KIF6: variants seen among roughly 807,000 people sequenced by gnomAD.
KIF6 encodes the protein kinesin-like protein KIF6.
KIF6 carries 106 observed loss-of-function variants against 112.7 expected under a neutral mutation model. That is an observed-to-expected ratio of 0.94 (90% CI 0.80 to 1.11). KIF6 has a LOEUF of 1.11. Among genes scored for constraint, KIF6 ranks in the 50% least tolerant of loss-of-function variants. The probability of loss-of-function intolerance (pLI) is 0.00; values close to 1 mark genes in which losing one functional copy is unlikely to be tolerated. For synonymous variants in KIF6, 339 were observed against 339.9 expected (o/e 1.00, Z 0.03); for missense variants, 929 against 964.0 (o/e 0.96, Z 0.48).
chr6:39,537,417 C>T (rs1235244412), intron 13 of KIF6, among the ~76,000 whole-genome samples: 1 of 151,810 alleles, frequency 6.6e-6, no homozygotes, highest in Non-Finnish European at 1.5e-5. Flanking sequence ...TCCTATACAC[C>T]AACAACAGAC....
chr6:39,648,089 T>C (rs1785268283), intron 3 of KIF6, among the ~76,000 whole-genome samples: 1 of 150,076 alleles, frequency 6.7e-6, no homozygotes, highest in South Asian at 2.1e-4. Context: ...AGTGGCATGA[T>C]CTTGGCTCAC....
intron 5 of KIF6, among the ~76,000 whole-genome samples, chr6:39,615,891 C>CTAAG (rs988396990): frequency 6.6e-6 from 1 of 152,096 alleles, no homozygotes; most frequent in Non-Finnish European, 1.5e-5. Context: ...GGTGAGTATA[C>CTAAG]TAAGCCACAC....
At chr6:39,603,791 A>T (rs1782716838) in intron 6 of KIF6, among the ~76,000 whole-genome samples, 1 of 152,118 alleles carries the variant, frequency 6.6e-6, no homozygotes, top group South Asian at 2.1e-4. Context: ...TGATTCAAAT[A>T]ACCTCTGTAT....
intron 5 of KIF6, among the ~76,000 whole-genome samples, chr6:39,628,506 G>A (rs1247018074): frequency 6.6e-6 from 1 of 151,940 alleles, no homozygotes; most frequent in Non-Finnish European, 1.5e-5. Flanking sequence ...TGTTGACCTT[G>A]TCCAACCATT....
At chr6:39,413,784 T>C (rs972771723) in intron 15 of KIF6, among the ~76,000 whole-genome samples, 6 of 152,236 alleles carry the variant, frequency 3.9e-5, no homozygotes, top group South Asian at 2.1e-4. Flanking sequence ...CCCACTTACC[T>C]GAGACAACAC....
At chr6:39,520,121 G>A (rs538336241) in intron 13 of KIF6, among the ~76,000 whole-genome samples, 57 of 152,184 alleles carry the variant, frequency 3.7e-4, no homozygotes, top group Non-Finnish European at 7.1e-4. Flanking sequence ...TTCCTCTTCC[G>A]GAGCAGTTTC....
At chr6:39,368,303 T>C (rs1420159186) in intron 16 of KIF6, among the ~76,000 whole-genome samples, 1 of 152,176 alleles carries the variant, frequency 6.6e-6, no homozygotes, top group African/African-American at 2.4e-5. Context: ...ATGTATTGTC[T>C]TGTATAATCT....
chr6:39,583,187 T>C (rs963854874), intron 9 of KIF6: 15 of 274,110 alleles, frequency 5.5e-5, no homozygotes, highest in African/African-American at 3.3e-4. Context: ...ATGTCTAATA[T>C]GTTTATTTTC....
chr6:39,666,357 T>G (rs949740564), intron 3 of KIF6, among the ~76,000 whole-genome samples: 1 of 152,190 alleles, frequency 6.6e-6, no homozygotes, highest in Non-Finnish European at 1.5e-5. Context: ...AACAAGCATA[T>G]CAGTTCTAGA....
intron 3 of KIF6, among the ~76,000 whole-genome samples, chr6:39,675,609 C>T (rs1439478421): frequency 1.3e-4 from 4 of 31,804 alleles, no homozygotes; most frequent in Non-Finnish European, 3.1e-4. Flanking sequence ...CCCACAAGAA[C>T]ACAATTCCAC....
At chr6:39,592,063 G>T (rs1781983378) in intron 7 of KIF6, among the ~76,000 whole-genome samples, 1 of 152,178 alleles carries the variant, frequency 6.6e-6, no homozygotes, top group African/African-American at 2.4e-5. Flanking sequence ...AGTGAGCTGA[G>T]ATCATGCCAC....
chr6:39,565,836 G>C (rs563918765), intron 10 of KIF6, among the ~76,000 whole-genome samples: 96 of 152,312 alleles, frequency 6.3e-4, no homozygotes, highest in East Asian at 4.4e-3. Context: ...TCAGAAAATG[G>C]AAAACAGGAG....
chr6:39,456,276 C>A (rs1773097756), intron 13 of KIF6, among the ~76,000 whole-genome samples: 1 of 106,756 alleles, frequency 9.4e-6, no homozygotes, highest in African/African-American at 3.7e-5. Flanking sequence ...AACAAAGCTT[C>A]ATAAGTGAAG....
intron 13 of KIF6, among the ~76,000 whole-genome samples, chr6:39,535,703 C>A (rs1288586453): frequency 6.6e-6 from 1 of 152,164 alleles, no homozygotes; most frequent in African/African-American, 2.4e-5. Context: ...CAGCTCTGCA[C>A]CAAGTGGACC....
chr6:39,553,707 G>A (rs1779524584), intron 10 of KIF6: 1 of 152,116 alleles, frequency 6.6e-6, no homozygotes, highest in Admixed American at 6.5e-5. Flanking sequence ...TTACTTAAAG[G>A]TATATATGTC....
intron 7 of KIF6, among the ~76,000 whole-genome samples, chr6:39,591,620 T>C (rs551412676): frequency 9.1e-4 from 139 of 152,296 alleles, no homozygotes; most frequent in African/African-American, 3.2e-3. Flanking sequence ...GAAGGTACCT[T>C]ATCAGCTCTC....
chr6:39,380,237 T>A (rs959536205), intron 16 of KIF6, among the ~76,000 whole-genome samples: 2 of 152,104 alleles, frequency 1.3e-5, no homozygotes, highest in Non-Finnish European at 2.9e-5. Flanking sequence ...TGTGTGGGAG[T>A]CAGCCCTCCT....
At chr6:39,631,825 T>G (rs1436864737) in intron 5 of KIF6, among the ~76,000 whole-genome samples, 2 of 152,114 alleles carry the variant, frequency 1.3e-5, no homozygotes, top group Non-Finnish European at 2.9e-5. Flanking sequence ...TGAAAGAGAT[T>G]ATGTAAAATT....
At chr6:39,389,604 G>A (rs1767704635) in intron 15 of KIF6, among the ~76,000 whole-genome samples, 1 of 152,164 alleles carries the variant, frequency 6.6e-6, no homozygotes, top group African/African-American at 2.4e-5. Context: ...TCCTCCATCA[G>A]GGATGGTTTG....
Sources: allele counts gnomAD v4.1 joint callset (sites outside exome capture counted in the v4.1 genomes callset), GRCh38; gene constraint gnomAD v4.1.1; transcripts MANE v1.5; gene names NCBI Gene and HGNC (gene_info 2026-07-23, HGNC 2026-07-21).